The following GRIK2 variants were observed in gnomAD, a reference collection of about 807,000 sequenced individuals.
GRIK2 encodes glutamate receptor ionotropic, kainate 2.
Under a neutral mutation model 100.3 loss-of-function variants are expected in GRIK2, and 32 were observed. The observed-to-expected ratio is 0.32, with a 90% CI of 0.24 to 0.43. The LOEUF (loss-of-function observed/expected upper bound fraction) is 0.43, where lower values mean the gene tolerates loss of function less well. Ranked by LOEUF, GRIK2 falls within the 20% of genes least tolerant of loss-of-function variation. The pLI is 1.00. For missense variants in GRIK2, 843 were observed against 1,114.9 expected (o/e 0.76, Z 3.47); for synonymous variants, 417 against 389.4 (o/e 1.07, Z -0.83).
At chr6:101,442,662 T>G (rs1383492984) in intron 2 of GRIK2, among the ~76,000 whole-genome samples, 1 of 152,162 alleles carries the variant, frequency 6.6e-6, no homozygotes, top group African/African-American at 2.4e-5. Flanking sequence ...TGGCAAACTT[T>G]TTCTGTGAAG....
At chr6:101,472,466 G>A (rs569540205) in intron 2 of GRIK2, among the ~76,000 whole-genome samples, 1 of 151,806 alleles carries the variant, frequency 6.6e-6, no homozygotes, top group South Asian at 2.1e-4. Context: ...CTGAATATAT[G>A]CATTTAAAAT....
intron 14 of GRIK2, among the ~76,000 whole-genome samples, chr6:102,019,414 A>C (rs1296898535): frequency 6.6e-6 from 1 of 152,068 alleles, no homozygotes; most frequent in African/African-American, 2.4e-5. Context: ...TTCCTACTGC[A>C]ACTGCTCTTT....
chr6:102,043,169 C>G (rs1770685436), intron 15 of GRIK2, among the ~76,000 whole-genome samples: 1 of 151,586 alleles, frequency 6.6e-6, no homozygotes, highest in Non-Finnish European at 1.5e-5. Context: ...ATTTTTTAAA[C>G]TAAACAGTTA....
At position 101,799,630 on chromosome 6, in the gene GRIK2, C is replaced by T. The variant is rs1238998741; in HGVS notation, c.952-18C>T. 6.2e-7 allele frequency: 1 copy of T among 1,608,030 alleles called. No homozygotes were observed. The highest frequency in any genetic ancestry group is 8.5e-7 in the Non-Finnish European group (1 of 1,174,662). On this transcript the variant is annotated intron_variant, in intron 7 of 16. Transcript: ENST00000369134. ...CAAGTTATATTGACTATAAATTTCC[C>T]TTTCCCTTGCTTTTCAGACTGATGC...
At chr6:101,779,537 TTAAC>T (rs1274204178) in intron 7 of GRIK2, among the ~76,000 whole-genome samples, 2 of 152,204 alleles carry the variant, frequency 1.3e-5, no homozygotes, top group African/African-American at 2.4e-5. Context: ...TTTTTGTAGG[TTAAC>T]TAACTTATTT....
chr6:101,812,188 A>G (rs954705047), intron 9 of GRIK2, among the ~76,000 whole-genome samples: 1 of 151,788 alleles, frequency 6.6e-6, no homozygotes, highest in African/African-American at 2.4e-5. Flanking sequence ...ATGTAATTAT[A>G]AAAGAATAGA....
chr6:101,563,640 A>G (rs927948394), intron 2 of GRIK2, among the ~76,000 whole-genome samples: 3 of 152,180 alleles, frequency 2.0e-5, no homozygotes, highest in African/African-American at 7.2e-5. Context: ...TAAATTATAA[A>G]TGTCACAGGA....
chr6:101,454,023 A>G (rs1770855851), intron 2 of GRIK2, among the ~76,000 whole-genome samples: 1 of 152,088 alleles, frequency 6.6e-6, no homozygotes. Context: ...CAAAGGAAGT[A>G]AAGAAGGAGA....
chr6:101,917,810 G>A (rs1363637746), intron 12 of GRIK2, among the ~76,000 whole-genome samples: 1 of 151,168 alleles, frequency 6.6e-6, no homozygotes, highest in African/African-American at 2.4e-5. Flanking sequence ...AAAGTAAAAA[G>A]TAGTAAGAGA....
chr6:101,919,051 C>A (rs1020697060), intron 12 of GRIK2, among the ~76,000 whole-genome samples: 1 of 151,644 alleles, frequency 6.6e-6, no homozygotes, highest in Non-Finnish European at 1.5e-5. Flanking sequence ...CATAATGAGA[C>A]AATGGGCCAG....
chr6:101,969,184 T>A (rs904407194), intron 14 of GRIK2, among the ~76,000 whole-genome samples: 2 of 152,000 alleles, frequency 1.3e-5, no homozygotes, highest in African/African-American at 4.8e-5. Flanking sequence ...GGAGTTGGGT[T>A]GTGTATTTTT....
At chr6:101,761,769 T>TTCCCTCCCTCTCTCCC (rs1554259729) in intron 7 of GRIK2, among the ~76,000 whole-genome samples, 3 of 122,916 alleles carry the variant, frequency 2.4e-5, no homozygotes, top group South Asian at 3.1e-4. Context: ...ATGCCCCCAT[T>TTCCCTCCCTCTCTCCC]TCCCTCCCTC....
chr6:101,671,567 T>C (rs905110627), intron 4 of GRIK2, among the ~76,000 whole-genome samples: 4 of 151,936 alleles, frequency 2.6e-5, no homozygotes, highest in African/African-American at 7.3e-5. Context: ...AGAATGGAAG[T>C]TAAAAAAACA....
In GRIK2 at chr6:101,676,592, A is replaced by AT; in HGVS notation, c.542-29dup. 3.9e-6 allele frequency: 5 copies of AT among 1,293,956 alleles called. No homozygotes were observed. The South Asian group carries it at 7.0e-5, about 18-fold the overall frequency. 80.2% of individuals were successfully genotyped at this position (1,293,956 alleles called of 1,614,324 possible). ...CCCTACTCTATTTTTTATCTCTAATATTCTTTTTTTTTTTTCCATTTTAAT... is the reference window on the plus strand; with the variant it reads ...CCCTACTCTATTTTTTATCTCTAATATTTCTTTTTTTTTTTTCCATTTTAAT... On this transcript the variant is annotated intron_variant, in intron 4 of 16. Transcript: ENST00000369134.
intron 2 of GRIK2, among the ~76,000 whole-genome samples, chr6:101,581,077 T>C (rs1778061741): frequency 6.6e-6 from 1 of 151,946 alleles, no homozygotes; most frequent in Non-Finnish European, 1.5e-5. Flanking sequence ...CAGTCACTAC[T>C]GTATCTCTAG....
chr6:101,685,983 C>T (rs1299593879), intron 6 of GRIK2, among the ~76,000 whole-genome samples, 197 bp from the exon 7 acceptor site: 1 of 152,024 alleles, frequency 6.6e-6, no homozygotes, highest in East Asian at 1.9e-4. Flanking sequence ...TAGATTTTTA[C>T]ATACGGAGCA....
chr6:101,543,775 T>A (rs1776110675), intron 2 of GRIK2, among the ~76,000 whole-genome samples: 1 of 152,204 alleles, frequency 6.6e-6, no homozygotes, highest in Admixed American at 6.5e-5. Context: ...ATTTTTAAAG[T>A]GCTTAAACAG....
At chr6:101,571,854 C>T (rs1196569965) in intron 2 of GRIK2, among the ~76,000 whole-genome samples, 1 of 152,056 alleles carries the variant, frequency 6.6e-6, no homozygotes, top group East Asian at 1.9e-4. Flanking sequence ...TCATGGACAT[C>T]TATACATAAC....
intron 10 of GRIK2, among the ~76,000 whole-genome samples, chr6:101,822,981 A>G (rs1056992609): frequency 3.3e-5 from 5 of 152,160 alleles, no homozygotes; most frequent in Admixed American, 6.6e-5. Context: ...AATGTTTCTC[A>G]TCCAGAAGTC....
Sources: gnomAD v4.1 joint callset for allele counts (sites outside exome capture counted in the v4.1 genomes callset) on GRCh38, gnomAD v4.1.1 for gene constraint, MANE v1.5 for transcripts, NCBI Gene and HGNC (gene_info 2026-07-23, HGNC 2026-07-21) for gene names.